MEF2C: variants seen among roughly 807,000 people sequenced by gnomAD.
MEF2C encodes myocyte enhancer factor 2C, also known as myocyte-specific enhancer factor 2C.
Under a neutral mutation model 50.5 loss-of-function variants are expected in MEF2C, and 6 were observed. The observed-to-expected ratio is 0.12, with a 90% CI of 0.07 to 0.23. The LOEUF (loss-of-function observed/expected upper bound fraction) is 0.23, where lower values mean the gene tolerates loss of function less well. MEF2C is among the 10% of genes least tolerant of loss of function. The pLI is 1.00. For missense variants in MEF2C, 276 were observed against 605.0 expected (o/e 0.46, Z 5.70); for synonymous variants, 183 against 228.0 (o/e 0.80, Z 1.78).
intron 2 of MEF2C, among the ~76,000 whole-genome samples, chr5:88,807,509 C>T (rs1429351923): frequency 1.3e-5 from 2 of 152,202 alleles, no homozygotes; most frequent in East Asian, 1.9e-4. Context: ...GCTAGGATTA[C>T]AGGCATAAGC....
intron 1 of MEF2C, among the ~76,000 whole-genome samples, chr5:88,897,564 A>G (rs973147784): frequency 6.6e-6 from 1 of 152,182 alleles, no homozygotes; most frequent in Non-Finnish European, 1.5e-5. Context: ...ATCACATTTC[A>G]AGCTGTATTA....
At chr5:88,849,048 G>T (rs1347898019) in intron 1 of MEF2C, among the ~76,000 whole-genome samples, 1 of 151,482 alleles carries the variant, frequency 6.6e-6, no homozygotes, top group Non-Finnish European at 1.5e-5. Context: ...CTACTCAGGA[G>T]GCTGACGCAG....
chr5:88,868,065 G>A (rs1265164442), intron 1 of MEF2C, among the ~76,000 whole-genome samples: 1 of 152,150 alleles, frequency 6.6e-6, no homozygotes, highest in African/African-American at 2.4e-5. Context: ...CCACAAAGGA[G>A]GGTGGTACCC....
intron 3 of MEF2C, among the ~76,000 whole-genome samples, chr5:88,794,187 A>G (rs1037838268): frequency 2.0e-5 from 3 of 152,120 alleles, no homozygotes; most frequent in African/African-American, 7.2e-5. Context: ...GTCAAATGGT[A>G]TTTCTGGTTC....
chr5:88,790,636 T>G (rs944950145), intron 3 of MEF2C, among the ~76,000 whole-genome samples: 2 of 152,148 alleles, frequency 1.3e-5, no homozygotes, highest in Non-Finnish European at 2.9e-5. Flanking sequence ...TATTTATTTA[T>G]TTTTGATGCA....
At chr5:88,860,775 C>T (rs188411538) in intron 1 of MEF2C, among the ~76,000 whole-genome samples, 2 of 152,110 alleles carry the variant, frequency 1.3e-5, no homozygotes, top group Non-Finnish European at 2.9e-5. Flanking sequence ...ACATTTTTCC[C>T]CCTCTGGGTT....
chr5:88,753,719 A>G (rs1273201436), intron 4 of MEF2C, among the ~76,000 whole-genome samples: 1 of 152,180 alleles, frequency 6.6e-6, no homozygotes, highest in East Asian at 1.9e-4. Flanking sequence ...GAGGGAAATA[A>G]AAATGTTCAA....
intron 3 of MEF2C, chr5:88,785,429 T>TA (rs1334530731): frequency 6.6e-6 from 1 of 152,074 alleles, no homozygotes; most frequent in Non-Finnish European, 1.5e-5. Context: ...AGATTAAAAG[T>TA]AAAAATCTGC....
At chr5:88,807,951 CTTCT>C (rs963712012) in intron 2 of MEF2C, among the ~76,000 whole-genome samples, 1 of 152,008 alleles carries the variant, frequency 6.6e-6, no homozygotes, top group African/African-American at 2.4e-5. Flanking sequence ...TGTTTTTCAC[CTTCT>C]ATTTCATCTT....
At chr5:88,874,455 T>TA (rs1264011503) in intron 1 of MEF2C, among the ~76,000 whole-genome samples, 2 of 151,998 alleles carry the variant, frequency 1.3e-5, no homozygotes, top group African/African-American at 4.8e-5. Flanking sequence ...TATTGACTCA[T>TA]ATATATATTA....
chr5:88,807,911 T>A (rs564681683), intron 2 of MEF2C, among the ~76,000 whole-genome samples: 2 of 152,354 alleles, frequency 1.3e-5, no homozygotes, highest in Admixed American at 6.5e-5. Context: ...CATTTCAACT[T>A]GGATAATTCT....
chr5:88,898,367 G>C (rs962755245), intron 1 of MEF2C, among the ~76,000 whole-genome samples: 1 of 152,098 alleles, frequency 6.6e-6, no homozygotes. Flanking sequence ...TCGGTTCATT[G>C]GGTCCTGATA....
At chr5:88,736,991 C>G in intron 6 of MEF2C, 1 of 985,206 alleles carries the variant, frequency 1.0e-6, no homozygotes, top group Non-Finnish European at 1.2e-6. Flanking sequence ...ATTCACTCCC[C>G]TCTGCTGCAA....
chr5:88,757,608 A>G (rs1185430394), intron 4 of MEF2C, among the ~76,000 whole-genome samples: 1 of 152,108 alleles, frequency 6.6e-6, no homozygotes, highest in Non-Finnish European at 1.5e-5. Context: ...TACAGAAGCT[A>G]AACTAAATAC....
chr5:88,882,852 G>C (rs906016915), intron 1 of MEF2C, 103 bp downstream of exon 1: 3 of 152,060 alleles, frequency 2.0e-5, no homozygotes, highest in Non-Finnish European at 2.9e-5. Context: ...CTTCAAAAAA[G>C]GCACAGGGAT....
At chr5:88,748,150 T>C (rs977970349) in intron 6 of MEF2C, 2 of 983,218 alleles carry the variant, frequency 2.0e-6, no homozygotes, top group African/African-American at 1.7e-5. Flanking sequence ...TAAAAATGTA[T>C]TTGTAAACCA....
chr5:88,895,804 C>T (rs986482260), intron 1 of MEF2C, among the ~76,000 whole-genome samples: 1 of 152,144 alleles, frequency 6.6e-6, no homozygotes, highest in African/African-American at 2.4e-5. Context: ...CCCTCAGCCG[C>T]CCCTTTATGT....
At chr5:88,902,818 A>G (rs1295222956) in intron 1 of MEF2C, among the ~76,000 whole-genome samples, 1 of 151,568 alleles carries the variant, frequency 6.6e-6, no homozygotes, top group Non-Finnish European at 1.5e-5. Flanking sequence ...GATTTTATCC[A>G]TAATAATTTA....
intron 2 of MEF2C, among the ~76,000 whole-genome samples, chr5:88,817,420 T>A (rs1805974289): frequency 6.6e-6 from 1 of 151,984 alleles, no homozygotes. Context: ...ACTGAACACA[T>A]TTTTCCAGCT....
Sources: gnomAD v4.1 joint callset for allele counts (sites outside exome capture counted in the v4.1 genomes callset) on GRCh38, gnomAD v4.1.1 for gene constraint, MANE v1.5 for transcripts, NCBI Gene and HGNC (gene_info 2026-07-23, HGNC 2026-07-21) for gene names.